Variants in USP8 observed in about 807,000 individuals in gnomAD.
USP8 encodes ubiquitin specific peptidase 8, also known as ubiquitin carboxyl-terminal hydrolase 8.
A neutral mutation model predicts 130.0 loss-of-function variants in USP8; 27 were observed. That is an observed-to-expected ratio of 0.21 (90% confidence interval 0.15 to 0.29). The LOEUF (loss-of-function observed/expected upper bound fraction) is 0.29, where lower values mean the gene tolerates loss of function less well. USP8 is among the 10% of genes least tolerant of loss of function. USP8 has a pLI of 1.00. For synonymous variants in USP8, 392 were observed against 444.1 expected, an observed-to-expected ratio of 0.88 and a Z score of 1.48; for missense variants, 1,029 against 1,312.2, an observed-to-expected ratio of 0.78 and a Z score of 3.33.
chr15:50,431,417 C>A (rs1310676134), intron 1 of USP8, among the ~76,000 whole-genome samples: 3 of 152,084 alleles, frequency 2.0e-5, no homozygotes, highest in Non-Finnish European at 4.4e-5. Context: ...ATAAAGAATT[C>A]TGGATGGCTT....
chr15:50,449,435 CA>C lies in USP8; in HGVS notation c.291del (p.Ala98LeufsTer14). 6.3e-7 allele frequency: 1 copy of C among 1,597,200 alleles called. No individual in the cohort carries two copies. The highest frequency in any genetic ancestry group is 2.3e-5 in the East Asian group (1 of 44,148). On this transcript the variant is annotated frameshift_variant, in exon 4 of 20. Coordinates refer to ENST00000307179, the MANE Select transcript of USP8 (RefSeq NM_005154.5). LOFTEE classifies it high-confidence loss of function. ...FHSILGPGNI[K>X]KAVEEAERLS... ...ATTCAATACTTGGACCTGGAAACAT[CA>C]AAAAAGCTGTCGAAGAAGCTGAAAG...
intron 17 of USP8, 50 bp from the exon 18 acceptor site, chr15:50,497,036 CATT>C: frequency 1.3e-6 from 2 of 1,553,062 alleles, no homozygotes; most frequent in Non-Finnish European, 1.7e-6. Context: ...TGCTCTCTGA[CATT>C]ATTGAAGAAT....
At chr15:50,456,478 C>CA (rs2050792771) in intron 4 of USP8, among the ~76,000 whole-genome samples, 1 of 149,864 alleles carries the variant, frequency 6.7e-6, no homozygotes, top group African/African-American at 2.5e-5. Context: ...GAGGCGGAGG[C>CA]AAGGAGAAAC....
rs2052612266 is a variant in USP8, at chr15:50,502,978, C to A, written c.*3890C>A. On this transcript the variant is annotated 3_prime_UTR_variant, in exon 20 of 20. Coordinates refer to ENST00000307179, the MANE Select transcript of USP8 (RefSeq NM_005154.5). Reference sequence around the variant, plus strand: ...GGCTAGTACACAGGAGTTATTTATTCAATATTCCCTTCAACCTTCGTCTTC... The same window carrying A: ...GGCTAGTACACAGGAGTTATTTATTAAATATTCCCTTCAACCTTCGTCTTC... 1 of 152,158 alleles carries A rather than the reference C, an allele frequency of 6.6e-6. No homozygotes were observed. The highest frequency in any genetic ancestry group is 2.4e-5 in the African/African-American group (1 of 41,426). The allele number at this position is 152,158 out of a possible 1,614,324, so 9.4% of individuals were successfully genotyped here.
rs1023288006 is a variant in USP8 at position 50,493,999 on chromosome 15, A to G, written c.2448-71A>G. 3.3e-6 allele frequency: 5 copies of G among 1,533,398 alleles called. 1 individual carries two copies. The African/African-American group carries it at 6.9e-5, about 21-fold the overall frequency. 95.0% of individuals were successfully genotyped at this position (1,533,398 alleles called of 1,614,324 possible). ...TGTGAATAATTTCATGTTGACATCA[A>G]GAATCTACTGTACCTTGCTTAACTT... On this transcript the variant is annotated intron_variant, in intron 15 of 19. Transcript: ENST00000307179.
At chr15:50,463,285 T>C (rs1219654627) in intron 6 of USP8, 1 of 152,212 alleles carries the variant, frequency 6.6e-6, no homozygotes, top group African/African-American at 2.4e-5. Context: ...ATAGGTGGCG[T>C]TGATGCTCTA....
At position 50,512,875 on chromosome 15, in the gene USP8, A is replaced by T. The variant is rs1031681850; in HGVS notation, c.*13787A>T. 2 of 152,168 alleles carry T rather than the reference A, an allele frequency of 1.3e-5. No homozygotes were observed. Among genetic ancestry groups the T allele is most frequent in the East Asian group, 3.8e-4 (2 of 5,208 alleles). 9.4% of individuals were successfully genotyped at this position (152,168 alleles called of 1,614,324 possible). The stretch of plus-strand genomic sequence containing the variant: ...TGTGGTATGTGAACTATCTCTAAGA[A>T]CTTCTTTTTATTTAAGTTGGGAAAC... On this transcript the variant is annotated 3_prime_UTR_variant, in exon 20 of 20. Transcript: ENST00000307179.
chr15:50,473,431 A>G (rs911745014), intron 8 of USP8, among the ~76,000 whole-genome samples: 4 of 152,208 alleles, frequency 2.6e-5, no homozygotes, highest in African/African-American at 7.2e-5. Flanking sequence ...AAAAGTCTGT[A>G]CATGCTCAGT....
At chr15:50,458,263 TG>T (rs2050861401) in intron 4 of USP8, among the ~76,000 whole-genome samples, 1 of 152,206 alleles carries the variant, frequency 6.6e-6, no homozygotes, top group Non-Finnish European at 1.5e-5. Flanking sequence ...GTGATTCTCC[TG>T]CCTCAGCTTC....
chr15:50,461,987 T>G (rs943664160), intron 5 of USP8, among the ~76,000 whole-genome samples: 3 of 152,258 alleles, frequency 2.0e-5, no homozygotes, highest in African/African-American at 7.2e-5. Flanking sequence ...CTAATCAAAT[T>G]AAATATTAAA....
intron 5 of USP8, among the ~76,000 whole-genome samples, chr15:50,459,638 T>C (rs1394760794): frequency 1.3e-5 from 2 of 152,166 alleles, no homozygotes; most frequent in South Asian, 2.1e-4. Flanking sequence ...TGACTTCAGA[T>C]TTTTCTGTGA....
At chr15:50,475,619 C>T (rs935055961) in intron 8 of USP8, among the ~76,000 whole-genome samples, 12 of 151,696 alleles carry the variant, frequency 7.9e-5, no homozygotes, top group East Asian at 3.9e-4. Context: ...ATTTATTTTT[C>T]GAGATGAAGT....
intron 4 of USP8, among the ~76,000 whole-genome samples, chr15:50,453,163 A>G (rs2050678513): frequency 6.6e-6 from 1 of 152,254 alleles, no homozygotes; most frequent in African/African-American, 2.4e-5. Flanking sequence ...TTGAGAATCC[A>G]TTATCCCTGG....
At chr15:50,455,522 T>C (rs560975863) in intron 4 of USP8, among the ~76,000 whole-genome samples, 1 of 152,264 alleles carries the variant, frequency 6.6e-6, no homozygotes, top group Non-Finnish European at 1.5e-5. Flanking sequence ...CTTTGTATGC[T>C]AAATGCATCA....
chr15:50,444,800 AGGTTGGAGTGC>A (rs1372978655), intron 3 of USP8, among the ~76,000 whole-genome samples: 2 of 152,128 alleles, frequency 1.3e-5, no homozygotes, highest in Non-Finnish European at 2.9e-5. Context: ...TCCGTCACCC[AGGTTGGAGTGC>A]GGTGGGCACA....
intron 13 of USP8, 26 bp from the exon 14 acceptor site, chr15:50,490,237 G>GTTTTTTTTTTTTTTTTT (rs368317483): frequency 1.6e-6 from 2 of 1,229,252 alleles, no homozygotes; most frequent in Non-Finnish European, 2.2e-6. Context: ...TTTTTGACCT[G>GTTTTTTTTTTTTTTTTT]TTTTTTTTTT....
intron 11 of USP8, among the ~76,000 whole-genome samples, chr15:50,483,955 A>C (rs1042627992): frequency 1.1e-4 from 16 of 152,208 alleles, no homozygotes; most frequent in Non-Finnish European, 1.8e-4. Context: ...ATAGTATTTA[A>C]ATAAAAGAAT....
intron 3 of USP8, among the ~76,000 whole-genome samples, chr15:50,448,324 C>T (rs2050506861): frequency 6.6e-6 from 1 of 152,100 alleles, no homozygotes; most frequent in Non-Finnish European, 1.5e-5. Context: ...AATCATTTAA[C>T]TGACTTAACT....
At chr15:50,438,533 C>T (rs530100121) in intron 1 of USP8, among the ~76,000 whole-genome samples, 27 of 152,154 alleles carry the variant, frequency 1.8e-4, no homozygotes, top group African/African-American at 5.5e-4. Context: ...TACAGTAAGC[C>T]GAGATTGTGC....
Sources: allele counts gnomAD v4.1 joint callset (sites outside exome capture counted in the v4.1 genomes callset), GRCh38; gene constraint gnomAD v4.1.1; transcripts MANE v1.5; gene names NCBI Gene and HGNC (gene_info 2026-07-23, HGNC 2026-07-21).